SNX1: variants seen among roughly 807,000 people sequenced by gnomAD.
SNX1 encodes the protein sorting nexin 1.
A neutral mutation model predicts 71.8 loss-of-function variants in SNX1; 36 were observed. The observed-to-expected ratio is 0.50, with a 90% CI of 0.38 to 0.66. SNX1 has a LOEUF of 0.66. Among genes scored for constraint, SNX1 ranks in the 30% least tolerant of loss-of-function variants. SNX1 has a pLI of 0.00. For missense variants in SNX1, 612 were observed against 646.7 expected, an observed-to-expected ratio of 0.95 and a Z score of 0.58; for synonymous variants, 254 against 240.7, an observed-to-expected ratio of 1.06 and a Z score of -0.51.
chr15:64,134,555 C>T lies in SNX1; in HGVS notation c.1222-109C>T, dbSNP rs1057407278. ...ACTAACATGTGGCTGCAGAACCTGC[C>T]CTTGCTCAGTCTGTCCCTGGTGCAG... On this transcript the variant is annotated intron_variant, in intron 11 of 14. Transcript: ENST00000559844. This position sits in a 1 kb window ranked among gnomAD's most constrained non-coding sequence, Gnocchi z 4.1. 4 of 1,334,888 alleles carry T rather than the reference C, an allele frequency of 3.0e-6. No individual in the cohort carries two copies. Among genetic ancestry groups the T allele is most frequent in the Non-Finnish European group, 4.1e-6 (4 of 980,082 alleles). 82.7% of individuals were successfully genotyped at this position (1,334,888 alleles called of 1,614,324 possible).
At chr15:64,127,851 CT>C (rs755485579) in intron 8 of SNX1, 45 bp downstream of exon 8, 2 of 1,470,582 alleles carry the variant, frequency 1.4e-6, no homozygotes, top group Non-Finnish European at 1.9e-6. Flanking sequence ...ATATCTGCCC[CT>C]AGTGAAACGA....
intron 5 of SNX1, among the ~76,000 whole-genome samples, chr15:64,124,681 C>G (rs2081232241): frequency 6.6e-6 from 1 of 152,112 alleles, no homozygotes; most frequent in East Asian, 1.9e-4. Flanking sequence ...GTTTTTGTAA[C>G]TGGGAACTTT....
intron 1 of SNX1, among the ~76,000 whole-genome samples, chr15:64,105,019 G>T (rs1403989893): frequency 1.3e-5 from 2 of 152,026 alleles, no homozygotes; most frequent in South Asian, 4.1e-4. Context: ...TGGATCACCT[G>T]AGGTCAGGAG....
At chr15:64,127,124 T>G (rs747520255) in intron 6 of SNX1, 50 bp from the exon 7 acceptor site, 4 of 1,401,090 alleles carry the variant, frequency 2.9e-6, no homozygotes, top group Non-Finnish European at 4.0e-6. Flanking sequence ...AAAAGATTTA[T>G]CCTCTTCATG....
intron 7 of SNX1, among the ~76,000 whole-genome samples, 186 bp downstream of exon 7, chr15:64,127,438 C>A (rs1392368248): frequency 6.6e-6 from 1 of 151,544 alleles, no homozygotes; most frequent in East Asian, 2.0e-4. Flanking sequence ...AATAGACCAT[C>A]TTCTGTTTTT....
At chr15:64,136,808 C>T in intron 13 of SNX1, 53 bp from the exon 14 acceptor site, 1 of 1,357,384 alleles carries the variant, frequency 7.4e-7, no homozygotes. Flanking sequence ...ACCACCATCC[C>T]ATCGAAAGGG....
chr15:64,126,464 T>G (rs901402312), intron 6 of SNX1, among the ~76,000 whole-genome samples: 1 of 152,226 alleles, frequency 6.6e-6, no homozygotes, highest in Non-Finnish European at 1.5e-5. Context: ...CTGTTGGTCT[T>G]CAGGAGTCTT....
chr15:64,142,919 ACTC>A lies in SNX1; in HGVS notation c.*5302_*5304del. 1 of 272,820 alleles carries A rather than the reference ACTC, an allele frequency of 3.7e-6. No homozygotes were observed. The highest frequency in any genetic ancestry group is 7.3e-6 in the Non-Finnish European group (1 of 136,586). The allele number at this position is 272,820 out of a possible 1,614,324, so 16.9% of individuals were successfully genotyped here. A position where few individuals can be genotyped will look rare whatever the true frequency, so the allele number is the denominator to read the frequency against. ...GGAACCCTAAAAAGTCTTTGAAGCA[ACTC>A]AAGTTTTAAAAAAGGGGAGGAACTC... On this transcript the variant is annotated 3_prime_UTR_variant, in exon 15 of 15. Transcript: ENST00000559844.
At chr15:64,096,859 C>G (rs2080907971) in intron 1 of SNX1, among the ~76,000 whole-genome samples, 1 of 152,174 alleles carries the variant, frequency 6.6e-6, no homozygotes, top group Non-Finnish European at 1.5e-5. Flanking sequence ...TGGTGTTTCC[C>G]GTAATGTTAC....
chr15:64,124,299 G>A (rs56156495), intron 5 of SNX1, among the ~76,000 whole-genome samples: 5,708 of 151,066 alleles, frequency 0.038, 366 homozygotes, highest in African/African-American at 0.13. Context: ...AAGGTCAGGA[G>A]ATCGAGACCA....
At chr15:64,118,024 T>A in intron 2 of SNX1, 93 bp from the exon 3 acceptor site, 1 of 1,222,916 alleles carries the variant, frequency 8.2e-7, no homozygotes, top group Non-Finnish European at 1.2e-6. Context: ...TTGAGAGTGC[T>A]TGCTATTGTT....
chr15:64,100,784 G>A (rs1323498865), intron 1 of SNX1, among the ~76,000 whole-genome samples: 1 of 151,966 alleles, frequency 6.6e-6, no homozygotes, highest in Non-Finnish European at 1.5e-5. Flanking sequence ...AACATCTTGC[G>A]AGAGAAGGCA....
rs2081251787 is a variant in SNX1 at position 64,126,279 on chromosome 15, T to C, written c.652+59T>C. 4 of 1,563,762 alleles carry C rather than the reference T, an allele frequency of 2.6e-6. No individual in the cohort carries two copies. The African/African-American group carries it at 4.1e-5, about 16-fold the overall frequency. ...TTTTCCTTTGCATTCTCTCCAAAAT[T>C]CACTCACTGTTCAGTATATGAGACT... On this transcript the variant is annotated intron_variant, in intron 6 of 14. Transcript: ENST00000559844.
chr15:64,120,161 C>G (rs1476727738), intron 4 of SNX1, among the ~76,000 whole-genome samples: 1 of 151,846 alleles, frequency 6.6e-6, no homozygotes, highest in African/African-American at 2.4e-5. Flanking sequence ...TCTTCCTAAA[C>G]AGGAGTGGTG....
intron 5 of SNX1, among the ~76,000 whole-genome samples, chr15:64,124,178 A>ATATATATATATATG (rs1445871067): frequency 1.1e-4 from 14 of 123,562 alleles, no homozygotes; most frequent in African/African-American, 3.8e-4. Context: ...ATATATATAT[A>ATATATATATATATG]TGACTGTTTT....
At position 64,126,084 on chromosome 15, in the gene SNX1, C is replaced by G. The variant is rs142792307; in HGVS notation, c.516C>G (p.Ser172Arg). ...YVAYKVTTQT[S>R]LPLFRSKQFA... ...TGTTTTTTCCTGTCCCCAAGACAAG[C>G]TTACCATTGTTCAGAAGCAAACAGT... Residue 172 changes from serine (S) to arginine (R), a missense_variant, in exon 6 of 15, where the codon AGC becomes AGG. By Grantham distance (110) the Ser-to-Arg change is moderately radical. Transcript: ENST00000559844. 17 of 1,614,072 alleles carry G rather than the reference C, an allele frequency of 1.1e-5. No individual in the cohort carries two copies. The African/African-American group carries it at 1.7e-4, about 16-fold the overall frequency.
rs1449259168 is a variant in SNX1, at chr15:64,140,839, C to G, written c.*3221C>G. The G allele has an allele frequency of 6.6e-6, 1 of 152,184 alleles. No homozygotes were observed. Among genetic ancestry groups the G allele is most frequent in the Non-Finnish European group, 1.5e-5 (1 of 68,028 alleles). 9.4% of individuals were successfully genotyped at this position (152,184 alleles called of 1,614,324 possible). A position where few individuals can be genotyped will look rare whatever the true frequency, so the allele number is the denominator to read the frequency against. ...ACCTCAGGTGATCTGCCCACCTCAA[C>G]CTCCCAAAGTGCTGGGATTACAGGT... is the stretch of plus-strand genomic sequence containing the variant. On this transcript the variant is annotated 3_prime_UTR_variant, in exon 15 of 15. Transcript: ENST00000559844.
chr15:64,126,729 G>A (rs1330833086), intron 6 of SNX1, among the ~76,000 whole-genome samples: 5 of 152,082 alleles, frequency 3.3e-5, no homozygotes, highest in African/African-American at 1.2e-4. Context: ...ACAGGTGCCC[G>A]CCACCATGCC....
At chr15:64,120,992 A>G (rs1330268817) in intron 4 of SNX1, among the ~76,000 whole-genome samples, 1 of 152,240 alleles carries the variant, frequency 6.6e-6, no homozygotes, top group East Asian at 1.9e-4. Context: ...CTTTCCTGGT[A>G]GGGCACAGTG....
Sources: allele counts gnomAD v4.1 joint callset (sites outside exome capture counted in the v4.1 genomes callset), GRCh38; gene constraint gnomAD v4.1.1; non-coding constraint Gnocchi (gnomAD v3.1); transcripts MANE v1.5; gene names NCBI Gene and HGNC (gene_info 2026-07-23, HGNC 2026-07-21).